ELP4: variants seen among roughly 807,000 people sequenced by gnomAD.
ELP4 encodes the protein elongator complex protein 4.
A neutral mutation model predicts 48.9 loss-of-function variants in ELP4; 51 were observed. That is an observed-to-expected ratio of 1.04 (90% CI 0.83 to 1.32). The LOEUF (loss-of-function observed/expected upper bound fraction) is 1.32, where lower values mean the gene tolerates loss of function less well. Ranked by LOEUF, ELP4 falls within the 40% of genes most tolerant of loss-of-function variation. ELP4 has a pLI of 0.00. For missense variants in ELP4, 519 were observed against 514.6 expected (o/e 1.01, Z -0.08); for synonymous variants, 210 against 189.2 (o/e 1.11, Z -0.90).
chr11:31,703,420 A>G (rs911900093), intron 9 of ELP4, among the ~76,000 whole-genome samples: 2 of 152,210 alleles, frequency 1.3e-5, no homozygotes, highest in Admixed American at 1.3e-4. Flanking sequence ...GATCAAAAAC[A>G]TTAGCCAGTG....
At chr11:31,556,333 A>G (rs966184392) in intron 3 of ELP4, among the ~76,000 whole-genome samples, 1 of 151,892 alleles carries the variant, frequency 6.6e-6, no homozygotes, top group Non-Finnish European at 1.5e-5. Flanking sequence ...ATCATCTCCA[A>G]TGTAATGATG....
intron 9 of ELP4, among the ~76,000 whole-genome samples, chr11:31,744,849 T>A (rs1051764269): frequency 7.4e-4 from 113 of 152,240 alleles, no homozygotes; most frequent in Non-Finnish European, 1.5e-3. Context: ...ATGCCCTCTC[T>A]CACCACTCCT....
chr11:31,519,366 T>C (rs980177189), intron 1 of ELP4, among the ~76,000 whole-genome samples: 3 of 152,242 alleles, frequency 2.0e-5, no homozygotes, highest in African/African-American at 7.2e-5. Flanking sequence ...GTTGTACTTC[T>C]GTAGTAGTTA....
At chr11:31,635,780 T>C (rs557140589) in intron 7 of ELP4, among the ~76,000 whole-genome samples, 261 of 152,060 alleles carry the variant, frequency 1.7e-3, no homozygotes, top group Admixed American at 3.0e-3. Context: ...ATCTCCAAAA[T>C]TGAGGATTTG....
At chr11:31,608,411 G>A (rs1455434405) in intron 5 of ELP4, among the ~76,000 whole-genome samples, 1 of 152,114 alleles carries the variant, frequency 6.6e-6, no homozygotes, top group African/African-American at 2.4e-5. Flanking sequence ...CGTGAGCAGA[G>A]CTTGTTTATG....
chr11:31,714,768 G>T, intron 9 of ELP4: 1 of 398,448 alleles, frequency 2.5e-6, no homozygotes. Flanking sequence ...TTTTCAAAGC[G>T]AGCAACATTG....
chr11:31,682,123 C>T, intron 9 of ELP4: 1 of 1,201,390 alleles, frequency 8.3e-7, no homozygotes. Flanking sequence ...TGTCAGCGTC[C>T]CATCCAACTA....
chr11:31,646,317 A>G (rs1268327197), intron 7 of ELP4: 1 of 151,832 alleles, frequency 6.6e-6, no homozygotes, highest in Non-Finnish European at 1.5e-5. Context: ...AGGCTGAAAC[A>G]TTCCTTGTAT....
intron 9 of ELP4, among the ~76,000 whole-genome samples, chr11:31,710,727 A>T (rs7931069): frequency 0.023 from 3,529 of 152,290 alleles, 140 homozygotes; most frequent in African/African-American, 0.08. Context: ...GCATAAATGG[A>T]CTTTGGATAC....
At chr11:31,608,543 T>C (rs565230178) in intron 5 of ELP4, among the ~76,000 whole-genome samples, 184 of 142,346 alleles carry the variant, frequency 1.3e-3, no homozygotes, top group Non-Finnish European at 2.0e-3. Context: ...GAAGGGGTGG[T>C]GGTGTTTCAC....
At chr11:31,621,368 T>C (rs1944618475) in intron 5 of ELP4, among the ~76,000 whole-genome samples, 1 of 151,922 alleles carries the variant, frequency 6.6e-6, no homozygotes, top group Admixed American at 6.6e-5. Context: ...ATATCAGAAG[T>C]TCTTATTTTT....
At chr11:31,571,805 A>T (rs926387736) in intron 3 of ELP4, among the ~76,000 whole-genome samples, 2 of 152,134 alleles carry the variant, frequency 1.3e-5, no homozygotes, top group Non-Finnish European at 2.9e-5. Flanking sequence ...TTTTGAAAGG[A>T]TTGTTTTTTC....
At chr11:31,572,325 A>C (rs17634869) in intron 3 of ELP4, among the ~76,000 whole-genome samples, 37,870 of 152,032 alleles carry the variant, frequency 0.25, 5,253 homozygotes, top group Non-Finnish European at 0.32. Flanking sequence ...TGGCATTTAA[A>C]ATTTTTAATT....
intron 5 of ELP4, among the ~76,000 whole-genome samples, chr11:31,626,022 T>C (rs758239332): frequency 2.0e-5 from 3 of 151,886 alleles, no homozygotes; most frequent in Non-Finnish European, 2.9e-5. Context: ...AACAGCATTC[T>C]TTTTGTTTGT....
At chr11:31,759,758 G>C (rs1947907499) in intron 9 of ELP4, among the ~76,000 whole-genome samples, 1 of 150,398 alleles carries the variant, frequency 6.6e-6, no homozygotes. Context: ...CCAGGCTGGA[G>C]TGCAGTGGCA....
chr11:31,598,633 A>G (rs1015360156), intron 4 of ELP4, among the ~76,000 whole-genome samples: 2 of 150,564 alleles, frequency 1.3e-5, no homozygotes, highest in African/African-American at 2.4e-5. Flanking sequence ...TCAGCCTCAC[A>G]AATATGAGAC....
intron 1 of ELP4, among the ~76,000 whole-genome samples, chr11:31,514,605 C>T (rs980623153): frequency 1.3e-5 from 2 of 152,154 alleles, no homozygotes; most frequent in East Asian, 3.8e-4. Flanking sequence ...TGATTGTTTG[C>T]TTACCCTATT....
intron 9 of ELP4, among the ~76,000 whole-genome samples, chr11:31,737,197 T>G (rs1041323038): frequency 2.0e-5 from 3 of 152,116 alleles, no homozygotes; most frequent in Non-Finnish European, 4.4e-5. Flanking sequence ...AAACCATCAT[T>G]CTCAGCAAAC....
intron 3 of ELP4, among the ~76,000 whole-genome samples, chr11:31,556,256 A>G (rs1193495086): frequency 1.3e-5 from 2 of 151,940 alleles, no homozygotes; most frequent in Non-Finnish European, 2.9e-5. Flanking sequence ...ACATGATGTT[A>G]TTAAAGCTTT....
Sources: allele counts gnomAD v4.1 joint callset (sites outside exome capture counted in the v4.1 genomes callset), GRCh38; gene constraint gnomAD v4.1.1; transcripts MANE v1.5; gene names NCBI Gene and HGNC (gene_info 2026-07-23, HGNC 2026-07-21).